The following TLN2 variants were observed in gnomAD, a reference collection of about 807,000 sequenced individuals.
TLN2 encodes the protein talin 2.
Under a neutral mutation model 294.7 loss-of-function variants are expected in TLN2, and 118 were observed. The observed-to-expected ratio is 0.40, with a 90% CI of 0.34 to 0.47. The LOEUF is 0.47. Ranked by LOEUF, TLN2 falls within the 20% of genes least tolerant of loss-of-function variation. TLN2 has a pLI of 0.84. For synonymous variants in TLN2, 1,431 were observed against 1,304.5 expected (o/e 1.10, Z -2.09); for missense variants, 3,083 against 3,282.2 (o/e 0.94, Z 1.48).
intron 9 of TLN2, among the ~76,000 whole-genome samples, chr15:62,661,902 A>T (rs889999078): frequency 6.6e-6 from 1 of 152,224 alleles, no homozygotes; most frequent in Admixed American, 6.5e-5. Flanking sequence ...GGACTAATTT[A>T]TCAGGATACT....
chr15:62,797,284 C>T lies in TLN2; in HGVS notation c.6116C>T (p.Ala2039Val), dbSNP rs757423554. Residue 2039 changes from alanine to valine, a missense_variant, in exon 48 of 59, where the codon GCG becomes GTG. Ala to Val is a moderately conservative substitution (Grantham distance 64). Coordinates refer to ENST00000636159, the MANE Select transcript of TLN2 (RefSeq NM_015059.3). Reference protein sequence around the residue: ...EDTKLLVSGAASTPDKLAQAA... With the variant: ...EDTKLLVSGAVSTPDKLAQAA... The stretch of plus-strand genomic sequence containing the variant: ...ACGAAACTACTTGTGTCAGGAGCTG[C>T]GTCCACTCCTGACAAGCTGGCCCAG... 1.6e-4 allele frequency: 256 copies of T among 1,613,762 alleles called. No homozygotes were observed. The highest frequency in any genetic ancestry group is 2.1e-4 in the Non-Finnish European group (249 of 1,180,026).
Position 62,686,754 on chromosome 15 carries a change from C to T in TLN2, c.1071C>T (p.Thr357=). 6.2e-7 allele frequency: 1 copy of T among 1,613,694 alleles called. No homozygotes were observed. The change falls in exon 12 of 59, where the codon ACC becomes ACT. Residue 357 remains threonine (T), a synonymous_variant. Coordinates refer to ENST00000636159, the MANE Select transcript of TLN2 (RefSeq NM_015059.3). ...AAGTGCTGCAGGAGTGGCCCCTCAC[C>T]ACCGTCAAGCGCTGGGCAGCCTCAC... ...TKEVLQEWPL[T]TVKRWAASPK...
intron 29 of TLN2, among the ~76,000 whole-genome samples, chr15:62,737,736 G>C (rs2061104308): frequency 6.6e-6 from 1 of 152,222 alleles, no homozygotes; most frequent in African/African-American, 2.4e-5. Context: ...AGTGAGGTTT[G>C]GGAGGATGGC....
intron 43 of TLN2, among the ~76,000 whole-genome samples, chr15:62,779,156 C>CT: frequency 6.6e-6 from 1 of 152,312 alleles, no homozygotes; most frequent in Middle Eastern, 3.4e-3. Context: ...TGGAGCTTCT[C>CT]TTTGAGATTC....
chr15:62,502,920 A>G (rs190316571), intron 1 of TLN2, among the ~76,000 whole-genome samples: 445 of 152,328 alleles, frequency 2.9e-3, no homozygotes, highest in African/African-American at 0.01. Context: ...TAAAGAGCCC[A>G]GAGGTGGGTT....
chr15:62,644,420 G>A (rs2051570266), intron 3 of TLN2: 1 of 449,274 alleles, frequency 2.2e-6, no homozygotes, highest in African/African-American at 2.0e-5. Context: ...TCACTCCCTA[G>A]GTGGTCTTTC....
intron 51 of TLN2, among the ~76,000 whole-genome samples, 189 bp downstream of exon 51, chr15:62,805,974 A>G (rs1320570668): frequency 3.3e-5 from 5 of 152,160 alleles, no homozygotes; most frequent in African/African-American, 1.2e-4. Flanking sequence ...GGATCGCTTG[A>G]GACCAGGAAT....
chr15:62,494,705 A>G (rs2038929491), intron 1 of TLN2, among the ~76,000 whole-genome samples: 1 of 152,176 alleles, frequency 6.6e-6, no homozygotes, highest in South Asian at 2.1e-4. Flanking sequence ...AGTCAAGGCT[A>G]AAGATTTTTT....
intron 52 of TLN2, among the ~76,000 whole-genome samples, chr15:62,818,735 C>T (rs2067311388): frequency 6.6e-6 from 1 of 152,090 alleles, no homozygotes; most frequent in South Asian, 2.1e-4. Context: ...GATTTTGTCT[C>T]AAGGACTTGA....
At chr15:62,828,375 A>C (rs769117048) in intron 54 of TLN2, 12 of 152,264 alleles carry the variant, frequency 7.9e-5, no homozygotes, top group Admixed American at 2.0e-4. Flanking sequence ...GAAGGGGGAA[A>C]AGAACAGTAT....
intron 1 of TLN2, among the ~76,000 whole-genome samples, chr15:62,438,430 G>C (rs1053349363): frequency 3.3e-5 from 5 of 152,130 alleles, no homozygotes; most frequent in African/African-American, 1.2e-4. Flanking sequence ...CCCCTCTGTA[G>C]ATGGAAGTGC....
At position 62,737,208 on chromosome 15, in the gene TLN2, C is replaced by G; in HGVS notation, c.3567+122C>G. ...CTGACACAGCAGATGTTTTCAGAAA[C>G]TTCCAAAGGTCATAACGATGCTGGC... is the stretch of plus-strand genomic sequence containing the variant. On this transcript the variant is annotated intron_variant, in intron 29 of 58. Transcript: ENST00000636159. 4 of 1,016,976 alleles carry G rather than the reference C, an allele frequency of 3.9e-6. No individual in the cohort carries two copies. In the Admixed American group the frequency reaches 8.8e-5, roughly 22 times the overall value. The allele number at this position is 1,016,976 out of a possible 1,614,324, so 63.0% of individuals were successfully genotyped here.
chr15:62,572,322 C>T (rs1252424025), intron 1 of TLN2, among the ~76,000 whole-genome samples: 1 of 152,096 alleles, frequency 6.6e-6, no homozygotes. Flanking sequence ...CTCACTGTAA[C>T]CTCGACCTCC....
intron 1 of TLN2, among the ~76,000 whole-genome samples, chr15:62,541,597 T>G (rs902083930): frequency 6.6e-6 from 1 of 150,836 alleles, no homozygotes; most frequent in Non-Finnish European, 1.5e-5. Flanking sequence ...TGCTCAGGGG[T>G]GTGTGTGTGT....
At chr15:62,430,700 A>G (rs1453040597) in intron 1 of TLN2, among the ~76,000 whole-genome samples, 4 of 152,188 alleles carry the variant, frequency 2.6e-5, no homozygotes, top group Non-Finnish European at 5.9e-5. Context: ...ATTGTGCTCA[A>G]ACCCCATGTC....
intron 29 of TLN2, 118 bp downstream of exon 29, chr15:62,737,204 G>C: frequency 1.9e-6 from 2 of 1,073,046 alleles, no homozygotes; most frequent in Admixed American, 2.2e-5. Context: ...GATGTTTTCA[G>C]AAACTTCCAA....
chr15:62,638,367 AT>A, intron 3 of TLN2: 1 of 363,362 alleles, frequency 2.8e-6, no homozygotes, highest in South Asian at 2.1e-5. Flanking sequence ...GCACATATCC[AT>A]TTTTATAGCA....
intron 1 of TLN2, among the ~76,000 whole-genome samples, chr15:62,557,095 A>G (rs535185022): frequency 1.3e-5 from 2 of 152,354 alleles, no homozygotes; most frequent in African/African-American, 4.8e-5. Context: ...TCAGTGCACT[A>G]CACAGAACCT....
intron 55 of TLN2, 143 bp downstream of exon 55, chr15:62,833,772 C>A: frequency 8.1e-7 from 1 of 1,240,392 alleles, no homozygotes; most frequent in Non-Finnish European, 1.1e-6. Flanking sequence ...TCTGTGCTGA[C>A]CGACTGAAAA....
Sources: gnomAD v4.1 joint callset for allele counts (sites outside exome capture counted in the v4.1 genomes callset) on GRCh38, gnomAD v4.1.1 for gene constraint, MANE v1.5 for transcripts, NCBI Gene and HGNC (gene_info 2026-07-23, HGNC 2026-07-21) for gene names.